Variants in AGMO observed in about 807,000 individuals in gnomAD.
AGMO encodes the protein alkylglycerol monooxygenase, also known as glyceryl-ether monooxygenase.
AGMO carries 75 observed loss-of-function variants against 60.2 expected under a neutral mutation model. The ratio of observed to expected loss-of-function variants is 1.25; its 90% confidence interval spans 1.03 to 1.51. The LOEUF (loss-of-function observed/expected upper bound fraction) is 1.51. AGMO is among the 40% of genes most tolerant of loss of function. The probability of loss-of-function intolerance (pLI) is 0.00; values close to 1 mark genes in which losing one functional copy is unlikely to be tolerated. For missense variants in AGMO, 763 were observed against 525.5 expected (o/e 1.45, Z -4.42); for synonymous variants, 261 against 177.1 (o/e 1.47, Z -3.76).
rs555955261 is a variant in AGMO at position 15,293,014 on chromosome 7, T to C, written c.1263+72500A>G. On this transcript the variant is annotated intron_variant, in intron 12 of 12. Coordinates refer to ENST00000342526, the MANE Select transcript of AGMO (RefSeq NM_001004320.2). ...CTGACCTCAGGTGATCAGCCCTACT[T>C]GGCCTCCCAAAGTGCTGGGATTACA... Among the ~76,000 whole-genome samples, 546 of 152,074 alleles carry C rather than the reference T, an allele frequency of 3.6e-3. 2 individuals are homozygous for C. The highest frequency in any genetic ancestry group is 0.012 in the African/African-American group (511 of 41,486).
At chr7:15,462,080 A>G (rs1782157940) in intron 3 of AGMO, among the ~76,000 whole-genome samples, 1 of 152,124 alleles carries the variant, frequency 6.6e-6, no homozygotes, top group East Asian at 1.9e-4. Context: ...AAATTCTAAA[A>G]TTAAAACAAG....
At chr7:15,162,813 C>T in the AGMO span, among the ~76,000 whole-genome samples, 2 of 152,126 alleles carry the variant, frequency 1.3e-5, no homozygotes, top group African/African-American at 4.8e-5. Flanking sequence ...CAGCTTTGTT[C>T]TTTAGCTTAA....
intron 3 of AGMO, among the ~76,000 whole-genome samples, chr7:15,456,128 T>G (rs959868285): frequency 2.6e-5 from 4 of 152,120 alleles, no homozygotes; most frequent in African/African-American, 9.6e-5. Flanking sequence ...GAAGATTTTC[T>G]CAAGCTTATA....
At chr7:15,267,013 A>G (rs1783452520) in intron 12 of AGMO, among the ~76,000 whole-genome samples, 1 of 152,014 alleles carries the variant, frequency 6.6e-6, no homozygotes, top group Non-Finnish European at 1.5e-5. Flanking sequence ...ACTTAGTGGA[A>G]GAGAGAACAT....
intron 3 of AGMO, among the ~76,000 whole-genome samples, chr7:15,466,515 A>G (rs370674937): frequency 6.6e-6 from 1 of 152,174 alleles, no homozygotes; most frequent in Non-Finnish European, 1.5e-5. Flanking sequence ...AGGTGAAGAA[A>G]AGCTGAGAAA....
At chr7:15,415,221 C>T (rs562372556) in intron 5 of AGMO, among the ~76,000 whole-genome samples, 29 of 151,972 alleles carry the variant, frequency 1.9e-4, no homozygotes, top group South Asian at 6.3e-4. Context: ...CTCAGCCTCA[C>T]GAGTAGCTGG....
the AGMO span, among the ~76,000 whole-genome samples, chr7:15,193,795 T>C: frequency 6.6e-6 from 1 of 151,994 alleles, no homozygotes; most frequent in Admixed American, 6.6e-5. Context: ...ATTTAGAAAA[T>C]TTTTTTCAAA....
intron 3 of AGMO, among the ~76,000 whole-genome samples, chr7:15,539,989 C>T (rs1489917168): frequency 6.6e-6 from 1 of 151,962 alleles, no homozygotes; most frequent in Non-Finnish European, 1.5e-5. Context: ...GAGACAGAAA[C>T]CACATTAGTA....
the AGMO span, among the ~76,000 whole-genome samples, chr7:15,188,424 T>C: frequency 6.6e-6 from 1 of 152,214 alleles, no homozygotes; most frequent in Non-Finnish European, 1.5e-5. Flanking sequence ...TCCATTATTA[T>C]ACTTACAATA....
chr7:15,164,908 T>A, the AGMO span, among the ~76,000 whole-genome samples: 2 of 150,684 alleles, frequency 1.3e-5, no homozygotes, highest in African/African-American at 2.4e-5. Flanking sequence ...AGAAAAAAAA[T>A]TGTTATATCA....
chr7:15,390,624 T>A lies in AGMO; in HGVS notation c.822+47A>T, dbSNP rs1229254801. 2.9e-6 allele frequency: 4 copies of A among 1,403,294 alleles called. No homozygotes were observed. In the African/African-American group the frequency reaches 4.3e-5, roughly 15 times the overall value. 86.9% of individuals were successfully genotyped at this position (1,403,294 alleles called of 1,614,324 possible). A position where few individuals can be genotyped will look rare whatever the true frequency, so the allele number is the denominator to read the frequency against. ...CTGATTTTTCTCTTAACTATAAGAT[T>A]TATGAAATGATATAAATGAAGAAAG... On this transcript the variant is annotated intron_variant, in intron 8 of 12. Transcript: ENST00000342526.
At chr7:15,553,082 A>G (rs551792375) in intron 2 of AGMO, among the ~76,000 whole-genome samples, 2,875 of 150,214 alleles carry the variant, frequency 0.019, 103 homozygotes, top group African/African-American at 0.067. Flanking sequence ...CAAAAAACCA[A>G]ACACCGCATA....
chr7:15,170,388 A>G, the AGMO span, among the ~76,000 whole-genome samples: 1 of 152,200 alleles, frequency 6.6e-6, no homozygotes, highest in South Asian at 2.1e-4. Context: ...TACACAAGCA[A>G]GAAATAATTA....
chr7:15,181,832 T>G, the AGMO span, among the ~76,000 whole-genome samples: 2 of 152,282 alleles, frequency 1.3e-5, no homozygotes, highest in East Asian at 3.9e-4. Flanking sequence ...GACATAGAAC[T>G]CAGGGATTTC....
intron 12 of AGMO, among the ~76,000 whole-genome samples, chr7:15,268,543 A>G (rs1263734449): frequency 2.0e-5 from 3 of 152,042 alleles, no homozygotes; most frequent in African/African-American, 7.2e-5. Context: ...AATTATATTA[A>G]TTCAGTGTGA....
At chr7:15,526,451 A>G (rs1784130583) in intron 3 of AGMO, among the ~76,000 whole-genome samples, 1 of 152,136 alleles carries the variant, frequency 6.6e-6, no homozygotes. Flanking sequence ...GCAAGTCCCC[A>G]CTGCAAGATA....
intron 12 of AGMO, among the ~76,000 whole-genome samples, chr7:15,310,509 G>C (rs1032211076): frequency 2.0e-5 from 3 of 151,972 alleles, no homozygotes; most frequent in African/African-American, 4.8e-5. Flanking sequence ...AATTGGATCA[G>C]ACAAAAAAGT....
intron 12 of AGMO, among the ~76,000 whole-genome samples, chr7:15,219,776 G>T (rs958429203): frequency 6.6e-6 from 1 of 152,142 alleles, no homozygotes; most frequent in African/African-American, 2.4e-5. Flanking sequence ...TATGGGGATG[G>T]AGAGAAGAAG....
intron 3 of AGMO, among the ~76,000 whole-genome samples, chr7:15,454,844 T>G (rs1270515476): frequency 1.3e-5 from 2 of 152,106 alleles, no homozygotes; most frequent in Non-Finnish European, 2.9e-5. Context: ...ACATAAGGCA[T>G]ATAAACAAAA....
Sources: allele counts gnomAD v4.1 joint callset (sites outside exome capture counted in the v4.1 genomes callset), GRCh38; gene constraint gnomAD v4.1.1; transcripts MANE v1.5; gene names NCBI Gene and HGNC (gene_info 2026-07-23, HGNC 2026-07-21).